AKAP12: variants seen among roughly 807,000 people sequenced by gnomAD.
AKAP12 encodes A-kinase anchoring protein 12, also known as A-kinase anchor protein 12.
In AKAP12, 32 loss-of-function variants were observed where a neutral mutation model predicts 79.9. That is an observed-to-expected ratio of 0.40 (90% CI 0.30 to 0.54). The LOEUF (loss-of-function observed/expected upper bound fraction) is 0.54. Ranked by LOEUF, AKAP12 falls within the 20% of genes least tolerant of loss-of-function variation. AKAP12 has a pLI of 0.48. For missense variants in AKAP12, 2,074 were observed against 2,177.0 expected (o/e 0.95, Z 0.94); for synonymous variants, 808 against 857.0 (o/e 0.94, Z 1.00).
intron 2 of AKAP12, among the ~76,000 whole-genome samples, chr6:151,281,656 A>G (rs1776409815): frequency 6.6e-6 from 1 of 152,048 alleles, no homozygotes; most frequent in South Asian, 2.1e-4. Flanking sequence ...CTAGGACCCA[A>G]TTTCCTGCGG....
In AKAP12 at chr6:151,342,912, G is replaced by A. The variant is rs143043577; in HGVS notation, c.320-5799G>A. 8.1e-3 allele frequency among the ~76,000 whole-genome samples: 1,234 copies of A among 152,156 alleles called. 22 individuals carry two copies. Among genetic ancestry groups the A allele is most frequent in the East Asian group, 7.6e-3 (39 of 5,162 alleles). On this transcript the variant is annotated intron_variant, in intron 3 of 4. Transcript: ENST00000402676. Reference sequence around the variant, plus strand: ...CAAGTAGCTGAGACTACAGGCATGCGCCACCATGCACGACTGATTTTTGTA... The same window carrying A: ...CAAGTAGCTGAGACTACAGGCATGCACCACCATGCACGACTGATTTTTGTA...
chr6:151,252,990 G>A (rs576115976), intron 2 of AKAP12, among the ~76,000 whole-genome samples: 1 of 152,276 alleles, frequency 6.6e-6, no homozygotes, highest in East Asian at 1.9e-4. Context: ...CATCCCCAGT[G>A]TCTGCCCTTT....
chr6:151,258,990 GTATC>G (rs1203577055), intron 2 of AKAP12, among the ~76,000 whole-genome samples: 4 of 150,420 alleles, frequency 2.7e-5, no homozygotes, highest in Non-Finnish European at 5.9e-5. Flanking sequence ...TACACATAAT[GTATC>G]TATATATGTG....
chr6:151,269,101 C>T (rs1416237077), intron 2 of AKAP12, among the ~76,000 whole-genome samples: 3 of 151,600 alleles, frequency 2.0e-5, no homozygotes, highest in Non-Finnish European at 4.4e-5. Context: ...GAAAGATGTT[C>T]AGTCTTAGGT....
At chr6:151,281,199 C>G (rs941360197) in intron 2 of AKAP12, among the ~76,000 whole-genome samples, 2 of 152,178 alleles carry the variant, frequency 1.3e-5, no homozygotes, top group Non-Finnish European at 2.9e-5. Flanking sequence ...AGTGACTTAA[C>G]TTGCGAGCCT....
intron 4 of AKAP12, among the ~76,000 whole-genome samples, chr6:151,354,140 G>A (rs1459130107): frequency 2.0e-5 from 3 of 149,896 alleles, no homozygotes; most frequent in African/African-American, 2.5e-5. Flanking sequence ...GGTGCCTCAC[G>A]ACTCCGTCTC....
At chr6:151,336,837 T>C (rs112286726) in intron 3 of AKAP12, among the ~76,000 whole-genome samples, 2,380 of 152,328 alleles carry the variant, frequency 0.016, 60 homozygotes, top group African/African-American at 0.055. Flanking sequence ...AGAATGTTTT[T>C]GTATGTTTCT....
At chr6:151,268,134 T>C (rs1776091667) in intron 2 of AKAP12, among the ~76,000 whole-genome samples, 1 of 152,186 alleles carries the variant, frequency 6.6e-6, no homozygotes, top group African/African-American at 2.4e-5. Flanking sequence ...GTGTGACTGC[T>C]GGGTGGGGTG....
chr6:151,351,929 T>C lies in AKAP12; in HGVS notation c.3538T>C (p.Phe1180Leu). 6.2e-7 allele frequency: 1 copy of C among 1,614,088 alleles called. No homozygotes were observed. The highest frequency in any genetic ancestry group is 8.5e-7 in the Non-Finnish European group (1 of 1,180,008). Residue 1180 changes from phenylalanine to leucine, a missense_variant, in exon 4 of 5, where the codon TTT (phenylalanine) becomes CTT (leucine). Coordinates refer to ENST00000402676, the MANE Select transcript of AKAP12 (RefSeq NM_005100.4). This position sits in a 1 kb window ranked among gnomAD's most constrained non-coding sequence, Gnocchi z 4.4. ...ETDGSTPVAD[F>L]DAPGTTQKDE... ...TGATGGAAGCACCCCCGTAGCCGACTTTGACGCACCAGGCACAACCCAGAA... is the reference window on the plus strand; with the variant it reads ...TGATGGAAGCACCCCCGTAGCCGACCTTGACGCACCAGGCACAACCCAGAA...
In AKAP12 at chr6:151,349,360, T is replaced by C; in HGVS notation, c.969T>C (p.Ala323=). ...AGCCGAAGGAGGATGAAGTGGAAGCTTCAGAGAAGAAAAAGGAACAAGAGC... is the reference window on the plus strand; with the variant it reads ...AGCCGAAGGAGGATGAAGTGGAAGCCTCAGAGAAGAAAAAGGAACAAGAGC... The part of the protein sequence containing the change: ...FRKPKEDEVE[A]SEKKKEQEPE... The change falls in exon 4 of 5, where the codon GCT becomes GCC. Residue 323 remains alanine, a synonymous_variant. Transcript: ENST00000402676. The C allele has an allele frequency of 6.2e-7, 1 of 1,613,556 alleles. No homozygotes were observed. The highest frequency in any genetic ancestry group is 8.5e-7 in the Non-Finnish European group (1 of 1,179,902).
chr6:151,299,726 C>G (rs868177346), intron 2 of AKAP12, among the ~76,000 whole-genome samples: 1 of 150,954 alleles, frequency 6.6e-6, no homozygotes, highest in Non-Finnish European at 1.5e-5. Flanking sequence ...CATAATTTAA[C>G]TACTCCCCTC....
At chr6:151,285,586 T>C (rs914462518) in intron 2 of AKAP12, among the ~76,000 whole-genome samples, 6 of 151,802 alleles carry the variant, frequency 4.0e-5, no homozygotes, top group African/African-American at 1.5e-4. Flanking sequence ...TGTAATGTCT[T>C]GGGTTAAAAA....
intron 3 of AKAP12, chr6:151,341,888 C>A: frequency 1.0e-6 from 1 of 955,230 alleles, no homozygotes; most frequent in Non-Finnish European, 1.4e-6. Flanking sequence ...GGCCTGCGCC[C>A]GTGGCATCCC....
At chr6:151,274,714 G>A (rs1413263781) in intron 2 of AKAP12, among the ~76,000 whole-genome samples, 1 of 152,268 alleles carries the variant, frequency 6.6e-6, no homozygotes, top group South Asian at 2.1e-4. Flanking sequence ...TGAGTTGGGG[G>A]CATCTCACAA....
At chr6:151,310,013 C>A (rs1476796384) in intron 3 of AKAP12, among the ~76,000 whole-genome samples, 1 of 151,880 alleles carries the variant, frequency 6.6e-6, no homozygotes, top group Non-Finnish European at 1.5e-5. Context: ...TTTCCGCAAC[C>A]CAAATTATCA....
intron 2 of AKAP12, among the ~76,000 whole-genome samples, chr6:151,244,710 T>C (rs767768075): frequency 2.2e-4 from 34 of 152,240 alleles, no homozygotes; most frequent in Non-Finnish European, 4.3e-4. Flanking sequence ...GCAAGAATTA[T>C]ATGTTTCTTA....
chr6:151,248,592 T>C (rs1797118640), intron 2 of AKAP12, among the ~76,000 whole-genome samples: 1 of 152,150 alleles, frequency 6.6e-6, no homozygotes, highest in African/African-American at 2.4e-5. Context: ...GAGGGACGGT[T>C]TCACATGATG....
intron 2 of AKAP12, among the ~76,000 whole-genome samples, chr6:151,297,976 C>T (rs1208109932): frequency 6.6e-6 from 1 of 152,044 alleles, no homozygotes; most frequent in Non-Finnish European, 1.5e-5. Flanking sequence ...GAATTTCCCC[C>T]AATACGGTTT....
intron 2 of AKAP12, among the ~76,000 whole-genome samples, chr6:151,275,239 C>T (rs923802222): frequency 6.6e-6 from 1 of 152,132 alleles, no homozygotes; most frequent in Admixed American, 6.5e-5. Flanking sequence ...CGTTTTTCTT[C>T]CCAGCTCTTG....
Sources: gnomAD v4.1 joint callset for allele counts (sites outside exome capture counted in the v4.1 genomes callset) on GRCh38, gnomAD v4.1.1 for gene constraint, Gnocchi (gnomAD v3.1) non-coding constraint, MANE v1.5 for transcripts, NCBI Gene and HGNC (gene_info 2026-07-23, HGNC 2026-07-21) for gene names.